The following IQSEC3 variants were observed in gnomAD, a reference collection of about 807,000 sequenced individuals.
The protein encoded by IQSEC3 is IQ motif and Sec7 domain ArfGEF 3.
Under a neutral mutation model 105.4 loss-of-function variants are expected in IQSEC3, and 50 were observed. The observed-to-expected ratio is 0.47, with a 90% CI of 0.38 to 0.60. The LOEUF is 0.60. IQSEC3 is among the 20% of genes least tolerant of loss of function. IQSEC3 has a pLI of 0.00. For synonymous variants in IQSEC3, 708 were observed against 746.0 expected (o/e 0.95, Z 0.83); for missense variants, 1,415 against 1,630.0 (o/e 0.87, Z 2.27).
rs782214116 is a variant in IQSEC3 at position 66,876 on chromosome 12, G to A, written c.-7G>A. ...GCGCAGGCAGGGCGCAGGCGGCGGCGGGCGGCATGGAGAGCCTGCTGGAGA... is the reference window on the plus strand; with the variant it reads ...GCGCAGGCAGGGCGCAGGCGGCGGCAGGCGGCATGGAGAGCCTGCTGGAGA... On this transcript the variant is annotated 5_prime_UTR_variant, in exon 1 of 14. Coordinates refer to ENST00000538872, the MANE Select transcript of IQSEC3 (RefSeq NM_001170738.2). The A allele has an allele frequency of 3.2e-5, 45 of 1,416,626 alleles. No individual in the cohort carries two copies. The highest frequency in any genetic ancestry group is 5.8e-5 in the South Asian group (4 of 69,554). 87.8% of individuals were successfully genotyped at this position (1,416,626 alleles called of 1,614,324 possible). A position where few individuals can be genotyped will look rare whatever the true frequency, so the allele number is the denominator to read the frequency against.
At chr12:78,256 C>T (rs1555069858) in intron 1 of IQSEC3, among the ~76,000 whole-genome samples, 2 of 151,918 alleles carry the variant, frequency 1.3e-5, no homozygotes, top group East Asian at 1.9e-4. Flanking sequence ...CACCGCCCGC[C>T]GCCAGCCCGG....
intron 1 of IQSEC3, among the ~76,000 whole-genome samples, chr12:82,089 T>G (rs1178674987): frequency 6.6e-6 from 1 of 152,196 alleles, no homozygotes; most frequent in African/African-American, 2.4e-5. Flanking sequence ...GGACCTTTGA[T>G]CCGGCTTGAT....
chr12:125,061 A>G (rs1865340710), intron 2 of IQSEC3, among the ~76,000 whole-genome samples: 1 of 151,960 alleles, frequency 6.6e-6, no homozygotes, highest in Non-Finnish European at 1.5e-5. Context: ...CCTCCTCCAG[A>G]CTCATTTGGT....
chr12:144,862 A>G (rs1866196670), intron 5 of IQSEC3, among the ~76,000 whole-genome samples: 1 of 151,874 alleles, frequency 6.6e-6, no homozygotes, highest in Admixed American at 6.6e-5. Context: ...TTTGAGACAG[A>G]GTCTTGCTCT....
At chr12:132,850 T>C (rs1865644773) in intron 3 of IQSEC3, among the ~76,000 whole-genome samples, 1 of 152,214 alleles carries the variant, frequency 6.6e-6, no homozygotes, top group Admixed American at 6.5e-5. Context: ...CCCATCATTG[T>C]CACTGTCACC....
chr12:118,717 A>G (rs1865126565), intron 2 of IQSEC3, among the ~76,000 whole-genome samples: 1 of 152,226 alleles, frequency 6.6e-6, no homozygotes, highest in African/African-American at 2.4e-5. Context: ...CTGAGCCTGC[A>G]GGTAGCTCCT....
At chr12:156,904 G>A (rs1325131661) in intron 5 of IQSEC3, 121 bp from the exon 6 acceptor site, 28 of 1,246,754 alleles carry the variant, frequency 2.2e-5, no homozygotes, top group South Asian at 4.4e-5. Flanking sequence ...GGCGACCCCC[G>A]GGGGTGAGTA....
chr12:117,662 C>G (rs1471469599), intron 2 of IQSEC3, among the ~76,000 whole-genome samples: 2 of 152,200 alleles, frequency 1.3e-5, no homozygotes, highest in African/African-American at 4.8e-5. Flanking sequence ...CAGGAACACT[C>G]TAGAGACAAG....
Position 169,106 on chromosome 12 carries a change from G to A in IQSEC3, c.3064+1G>A. Reference sequence around the variant, plus strand: ...CAGTCAAAGCAAGGATCGCCGACAGGTGAGCCTCGGCTCCGCTCAGGGCAC... The same window carrying A: ...CAGTCAAAGCAAGGATCGCCGACAGATGAGCCTCGGCTCCGCTCAGGGCAC... On this transcript the variant is annotated splice_donor_variant, in intron 12 of 13. Coordinates refer to ENST00000538872, the MANE Select transcript of IQSEC3 (RefSeq NM_001170738.2). LOFTEE classifies it high-confidence loss of function. 2.5e-6 allele frequency: 4 copies of A among 1,613,552 alleles called. No individual in the cohort carries two copies. Among genetic ancestry groups the A allele is most frequent in the Non-Finnish European group, 3.4e-6 (4 of 1,179,856 alleles).
At chr12:94,937 G>A (rs782808024) in intron 1 of IQSEC3, among the ~76,000 whole-genome samples, 3 of 152,130 alleles carry the variant, frequency 2.0e-5, no homozygotes, top group Non-Finnish European at 1.5e-5. Flanking sequence ...CTGGGACCCC[G>A]GAGCAGCTGG....
At chr12:105,515 G>A (rs1042580891) in intron 2 of IQSEC3, among the ~76,000 whole-genome samples, 2 of 152,198 alleles carry the variant, frequency 1.3e-5, no homozygotes, top group African/African-American at 4.8e-5. Context: ...GCCGACCTGG[G>A]CTCCATGCCC....
At chr12:107,670 A>G (rs1555078383) in intron 2 of IQSEC3, among the ~76,000 whole-genome samples, 1 of 151,750 alleles carries the variant, frequency 6.6e-6, no homozygotes, top group African/African-American at 2.4e-5. Context: ...TCGGCCTCCC[A>G]AAGTGCTGGG....
At chr12:162,314 G>C (rs968376981) in intron 8 of IQSEC3, among the ~76,000 whole-genome samples, 4 of 152,010 alleles carry the variant, frequency 2.6e-5, no homozygotes, top group Admixed American at 1.3e-4. Context: ...GGACTGCCCA[G>C]TGGTCTAGGG....
chr12:164,157 G>C (rs1867059651), intron 9 of IQSEC3, among the ~76,000 whole-genome samples: 1 of 152,176 alleles, frequency 6.6e-6, no homozygotes, highest in South Asian at 2.1e-4. Context: ...TGTAGGTCTG[G>C]AAAACTGGTG....
At chr12:170,337 G>A (rs1049558920) in intron 12 of IQSEC3, among the ~76,000 whole-genome samples, 7 of 151,330 alleles carry the variant, frequency 4.6e-5, no homozygotes, top group African/African-American at 1.5e-4. Flanking sequence ...GAAGCTGCCC[G>A]CCCTGGTTAG....
chr12:133,289 A>C (rs1565420526), intron 3 of IQSEC3, among the ~76,000 whole-genome samples: 1 of 152,246 alleles, frequency 6.6e-6, no homozygotes, highest in Non-Finnish European at 1.5e-5. Flanking sequence ...GGGAAAATTA[A>C]AACGTGTGGA....
At chr12:83,420 C>T (rs1591635174) in intron 1 of IQSEC3, among the ~76,000 whole-genome samples, 2 of 151,426 alleles carry the variant, frequency 1.3e-5, no homozygotes, top group African/African-American at 4.9e-5. Context: ...AAGAAAAGTA[C>T]GGGGGTGGCT....
intron 2 of IQSEC3, among the ~76,000 whole-genome samples, chr12:107,820 T>C (rs938780967): frequency 7.6e-6 from 1 of 132,376 alleles, no homozygotes; most frequent in Admixed American, 7.5e-5. Context: ...TTCTTGAGTA[T>C]TGCATCACAC....
In IQSEC3 at chr12:174,811, C is replaced by A; in HGVS notation, c.3327C>A (p.Arg1109=). 6.3e-7 allele frequency: 1 copy of A among 1,583,924 alleles called. No homozygotes were observed. The highest frequency in any genetic ancestry group is 8.5e-7 in the Non-Finnish European group (1 of 1,173,574). Residue 1109 remains arginine, a synonymous_variant, in exon 14 of 14, where the codon CGC becomes CGA. Transcript: ENST00000538872. ...TCCTGGACAAGCCCTGCCTGGCCCGCATGGAGCCCCTGCTGAGCCAGGCTC... is the reference window on the plus strand; with the variant it reads ...TCCTGGACAAGCCCTGCCTGGCCCGAATGGAGCCCCTGCTGAGCCAGGCTC... The part of the protein sequence containing the change: ...VIVLDKPCLA[R]MEPLLSQALS...
Sources: gnomAD v4.1 joint callset for allele counts (sites outside exome capture counted in the v4.1 genomes callset) on GRCh38, gnomAD v4.1.1 for gene constraint, MANE v1.5 for transcripts, NCBI Gene and HGNC (gene_info 2026-07-23, HGNC 2026-07-21) for gene names.